The following RIF1 variants were observed in gnomAD, a reference collection of about 807,000 sequenced individuals.
RIF1 encodes the protein replication timing regulatory factor 1, also known as telomere-associated protein RIF1.
Under a neutral mutation model 247.1 loss-of-function variants are expected in RIF1, and 45 were observed. The observed-to-expected ratio is 0.18, with a 90% CI of 0.14 to 0.23. RIF1 has a LOEUF of 0.23. Among genes scored for constraint, RIF1 ranks in the 10% least tolerant of loss-of-function variants. The probability of loss-of-function intolerance (pLI) is 1.00; values close to 1 mark genes in which losing one functional copy is unlikely to be tolerated. For synonymous variants in RIF1, 1,087 were observed against 978.8 expected, an observed-to-expected ratio of 1.11 and a Z score of -2.06; for missense variants, 2,967 against 2,862.5, an observed-to-expected ratio of 1.04 and a Z score of -0.83.
At position 151,437,275 on chromosome 2, in the gene RIF1, C is replaced by G. The variant is rs553087880; in HGVS notation, c.1407C>G (p.Ser469=). 6.2e-7 allele frequency: 1 copy of G among 1,613,722 alleles called. No individual in the cohort carries two copies. The highest frequency in any genetic ancestry group is 8.5e-7 in the Non-Finnish European group (1 of 1,179,716). The change falls in exon 13 of 36, where the codon TCC becomes TCG. Residue 469 remains serine, a synonymous_variant. Coordinates refer to ENST00000444746, the MANE Select transcript of RIF1 (RefSeq NM_018151.5). ...PLEHPLISSP[S]FFSKHANTLI... is the part of the protein sequence containing the mutation. Reference sequence around the variant, plus strand: ...AACATCCGTTAATCAGCAGCCCTTCCTTTTTTTCCAAACATGCAAATACAC... The same window carrying G: ...AACATCCGTTAATCAGCAGCCCTTCGTTTTTTTCCAAACATGCAAATACAC...
At chr2:151,439,520 C>T (rs1028704093) in intron 14 of RIF1, among the ~76,000 whole-genome samples, 2 of 151,624 alleles carry the variant, frequency 1.3e-5, no homozygotes, top group Non-Finnish European at 2.9e-5. Context: ...CGAAATTAGC[C>T]AGACATGGTG....
At chr2:151,456,832 A>T (rs1410637410) in intron 23 of RIF1, among the ~76,000 whole-genome samples, 1 of 152,124 alleles carries the variant, frequency 6.6e-6, no homozygotes, top group Non-Finnish European at 1.5e-5. Context: ...TCCTGGGATC[A>T]AGTGATTCTC....
the RIF1 span, chr2:151,519,098 C>A: frequency 1.4e-6 from 2 of 1,403,008 alleles, no homozygotes; most frequent in Non-Finnish European, 2.0e-6. Context: ...GAAAGGAAAT[C>A]ACGTAAATAG....
At position 151,464,003 on chromosome 2, in the gene RIF1, G is replaced by C; in HGVS notation, c.4483G>C (p.Ala1495Pro). 6.2e-7 allele frequency: 1 copy of C among 1,609,192 alleles called. No individual in the cohort carries two copies. The highest frequency in any genetic ancestry group is 8.5e-7 in the Non-Finnish European group (1 of 1,178,944). ...TGAGAAGACTCTTGGGGAAACTAGT[G>C]CTAATGCAGAAACTGAACAAAATAA... is the stretch of plus-strand genomic sequence containing the variant. ...LHEKTLGETS[A>P]NAETEQNKKK... is the part of the protein sequence containing the mutation. The change falls in exon 30 of 36, where the codon GCT becomes CCT. Residue 1495 changes from alanine (A) to proline (P), a missense_variant. Ala to Pro is a conservative substitution (Grantham distance 27). This residue lies in a region of RIF1 where 2,028 missense variants were observed against 1,825.6 expected (regional missense o/e 1.11). Coordinates refer to ENST00000444746, the MANE Select transcript of RIF1 (RefSeq NM_018151.5).
chr2:151,438,184 G>T (rs1691596767), intron 13 of RIF1, among the ~76,000 whole-genome samples: 1 of 152,132 alleles, frequency 6.6e-6, no homozygotes, highest in Admixed American at 6.6e-5. Context: ...TTGTTTTAAG[G>T]AACACATTTA....
chr2:151,464,506 T>C lies in RIF1; in HGVS notation c.4986T>C (p.Tyr1662=), dbSNP rs892753997. The stretch of plus-strand genomic sequence containing the variant: ...ATGAAACTAGCAAATATGCAGAATA[T>C]TCCTTTACAAGTCTACCTGTGCCAG... ...EKNETSKYAE[Y]SFTSLPVPES... Residue 1662 remains tyrosine, a synonymous_variant, in exon 30 of 36, where the codon TAT becomes TAC. Coordinates refer to ENST00000444746, the MANE Select transcript of RIF1 (RefSeq NM_018151.5). 3 of 1,612,460 alleles carry C rather than the reference T, an allele frequency of 1.9e-6. No homozygotes were observed. Among genetic ancestry groups the C allele is most frequent in the Admixed American group, 1.7e-5 (1 of 59,706 alleles).
intron 3 of RIF1, 81 bp downstream of exon 3, chr2:151,411,419 G>T: frequency 2.2e-6 from 2 of 926,344 alleles, no homozygotes; most frequent in South Asian, 3.0e-5. Context: ...GTTTTGAGGT[G>T]TAGTTTTGCT....
chr2:151,465,591 T>C lies in RIF1; in HGVS notation c.6071T>C (p.Met2024Thr), dbSNP rs763433205. The change falls in exon 30 of 36, where the codon ATG becomes ACG. Residue 2024 changes from methionine (M) to threonine (T), a missense_variant. Physicochemically the swap from Met to Thr is moderately conservative, Grantham distance 81. Transcript: ENST00000444746. ...ACCAAAATGAAAAATAATGAAGAAA[T>C]GATGATCGGCGAGGCAATGGCTGAA... The part of the protein sequence containing the change: ...TNTKMKNNEE[M>T]MIGEAMAETG... 6.2e-7 allele frequency: 1 copy of C among 1,613,614 alleles called. No homozygotes were observed.
intron 22 of RIF1, 119 bp from the exon 23 acceptor site, chr2:151,456,459 T>C: frequency 3.3e-6 from 2 of 597,882 alleles, no homozygotes; most frequent in East Asian, 6.7e-5. Flanking sequence ...TGGGCACCTT[T>C]TTATATCATC....
At position 151,480,752 on chromosome 2, in the gene RIF1, A is replaced by G. The variant is rs2049133302; in HGVS notation, c.*5681A>G. The G allele has an allele frequency of 6.6e-6, 1 of 152,146 alleles. No homozygotes were observed. The highest frequency in any genetic ancestry group is 2.1e-4 in the South Asian group (1 of 4,834). 9.4% of individuals were successfully genotyped at this position (152,146 alleles called of 1,614,324 possible). On this transcript the variant is annotated 3_prime_UTR_variant, in exon 36 of 36. Transcript: ENST00000444746. Reference sequence around the variant, plus strand: ...TTGATACACTATTGAATAGCTAACAAGTGTCTAAAGAATTTTTTATTTTTA... The same window carrying G: ...TTGATACACTATTGAATAGCTAACAGGTGTCTAAAGAATTTTTTATTTTTA...
chr2:151,514,451 C>T, the RIF1 span: 2 of 1,524,492 alleles, frequency 1.3e-6, no homozygotes, highest in Non-Finnish European at 1.8e-6. Context: ...AGAAAAGCAA[C>T]AACATTGACA....
At chr2:151,417,089 G>A (rs1687334485) in intron 6 of RIF1, among the ~76,000 whole-genome samples, 188 bp downstream of exon 6, 3 of 152,064 alleles carry the variant, frequency 2.0e-5, no homozygotes, top group Admixed American at 6.6e-5. Context: ...TAGGTTTTTT[G>A]TTTATTTTTA....
downstream of RIF1, chr2:151,483,302 T>C (rs1041592364): frequency 6.6e-6 from 1 of 152,058 alleles, no homozygotes; most frequent in Non-Finnish European, 1.5e-5. Context: ...GGCAGGAAGA[T>C]TAGAACATTG....
exon 14 of RIF1, chr2:151,507,797 G>A (rs565869762): frequency 2.6e-5 from 14 of 529,650 alleles, no homozygotes; most frequent in Non-Finnish European, 4.4e-5. Flanking sequence ...TACCACCAAC[G>A]AAGTAACAGA....
At position 151,463,980 on chromosome 2, in the gene RIF1, A is replaced by G; in HGVS notation, c.4460A>G (p.Glu1487Gly). 2 of 1,608,666 alleles carry G rather than the reference A, an allele frequency of 1.2e-6. No individual in the cohort carries two copies. The highest frequency in any genetic ancestry group is 1.7e-6 in the Non-Finnish European group (2 of 1,178,744). The change falls in exon 30 of 36, where the codon GAG becomes GGG. Residue 1487 changes from glutamate (E) to glycine (G), a missense_variant. This residue lies in a region of RIF1 where 2,028 missense variants were observed against 1,825.6 expected (regional missense o/e 1.11). Coordinates refer to ENST00000444746, the MANE Select transcript of RIF1 (RefSeq NM_018151.5). ...ATTGAGAAAGGAAGTAATTTACATGAGAAGACTCTTGGGGAAACTAGTGCT... is the reference window on the plus strand; with the variant it reads ...ATTGAGAAAGGAAGTAATTTACATGGGAAGACTCTTGGGGAAACTAGTGCT... Reference protein sequence around the residue: ...NLIEKGSNLHEKTLGETSANA... With the variant: ...NLIEKGSNLHGKTLGETSANA...
chr2:151,460,473 A>G (rs1695951778), intron 26 of RIF1, among the ~76,000 whole-genome samples: 1 of 152,204 alleles, frequency 6.6e-6, no homozygotes, highest in Non-Finnish European at 1.5e-5. Flanking sequence ...TTGTTATTTT[A>G]GAACTTAATA....
rs1261808548 is a variant in RIF1 at position 151,465,892 on chromosome 2, A to G, written c.6372A>G (p.Ser2124=). 1 of 1,613,878 alleles carries G rather than the reference A, an allele frequency of 6.2e-7. No individual in the cohort carries two copies. Among genetic ancestry groups the G allele is most frequent in the Non-Finnish European group, 8.5e-7 (1 of 1,179,856 alleles). ...CTTCACAGAAAGTGGAGGAACCATC[A>G]CAGTGTCTGGCATCTGGAACAGCTA... is the stretch of plus-strand genomic sequence containing the variant. ...HHTSQKVEEP[S]QCLASGTAIS... Residue 2124 remains serine (S), a synonymous_variant, in exon 30 of 36, where the codon TCA becomes TCG. Transcript: ENST00000444746.
the RIF1 span, among the ~76,000 whole-genome samples, chr2:151,513,957 TAG>T: frequency 1.3e-5 from 2 of 152,198 alleles, no homozygotes; most frequent in Non-Finnish European, 2.9e-5. Context: ...CTTAGAAGAT[TAG>T]AGTATAAAGT....
At chr2:151,527,017 T>C in the RIF1 span, 1 of 1,589,106 alleles carries the variant, frequency 6.3e-7, no homozygotes, top group South Asian at 1.1e-5. Context: ...CCAGCTTATA[T>C]TCAAACTGTG....
Sources: gnomAD v4.1 joint callset for allele counts (sites outside exome capture counted in the v4.1 genomes callset) on GRCh38, gnomAD v4.1.1 for gene constraint, gnomAD v4.1.1 regional missense constraint, MANE v1.5 for transcripts, NCBI Gene and HGNC (gene_info 2026-07-23, HGNC 2026-07-21) for gene names.